ZNF251: variants seen among roughly 807,000 people sequenced by gnomAD.
ZNF251 encodes the protein zinc finger protein 251.
A neutral mutation model predicts 13.5 loss-of-function variants in ZNF251; 14 were observed. That is an observed-to-expected ratio of 1.04 (90% CI 0.69 to 1.63). ZNF251 has a LOEUF of 1.63. Among genes scored for constraint, ZNF251 ranks in the 40% most tolerant of loss-of-function variants. The probability of loss-of-function intolerance (pLI) is 0.00; values close to 1 mark genes in which losing one functional copy is unlikely to be tolerated. For synonymous variants in ZNF251, 287 were observed against 295.2 expected (o/e 0.97, Z 0.28); for missense variants, 764 against 834.9 (o/e 0.92, Z 1.05).
intron 4 of ZNF251, 108 bp downstream of exon 4, chr8:144,753,575 G>T: frequency 2.5e-6 from 2 of 788,988 alleles, no homozygotes; most frequent in Non-Finnish European, 4.1e-6. Flanking sequence ...GACTGCCCCT[G>T]GGGGAGGCCA....
At position 144,722,176 on chromosome 8, in the gene ZNF251, CCA is replaced by C; in HGVS notation, c.1482_1483del (p.Cys494TrpfsTer23). The C allele has an allele frequency of 1.2e-6, 2 of 1,614,126 alleles. No homozygotes were observed. The highest frequency in any genetic ancestry group is 1.7e-6 in the Non-Finnish European group (2 of 1,179,978). ...GGTTGACCTCCGGCTGAAGGCCTTCCCACAGTCACCACAGTCATAGGGCTTCT... is the reference window on the plus strand; with the variant it reads ...GGTTGACCTCCGGCTGAAGGCCTTCCCAGTCACCACAGTCATAGGGCTTCT... On this transcript the variant is annotated frameshift_variant, in exon 5 of 5. Transcript: ENST00000292562. LOFTEE classifies it low-confidence loss of function (END_TRUNC). This position sits in a 1 kb window ranked among gnomAD's most constrained non-coding sequence, Gnocchi z 4.8.
At chr8:144,733,048 C>T (rs1412016681) in intron 4 of ZNF251, among the ~76,000 whole-genome samples, 3 of 151,478 alleles carry the variant, frequency 2.0e-5, no homozygotes, top group African/African-American at 7.3e-5. Flanking sequence ...ATGGAGAAAC[C>T]CTGTCTCCAC....
intron 4 of ZNF251, among the ~76,000 whole-genome samples, chr8:144,730,946 G>A (rs369346673): frequency 8.9e-4 from 136 of 152,306 alleles, no homozygotes; most frequent in African/African-American, 2.9e-3. Context: ...CGTGGGAACC[G>A]CCCCCCTCAG....
intron 4 of ZNF251, among the ~76,000 whole-genome samples, chr8:144,737,657 C>T (rs1384562452): frequency 6.6e-6 from 1 of 151,408 alleles, no homozygotes; most frequent in East Asian, 2.0e-4. Flanking sequence ...ACGGTGAAAC[C>T]CCGTCTCTAC....
intron 4 of ZNF251, among the ~76,000 whole-genome samples, chr8:144,742,594 G>A (rs574448436): frequency 6.5e-4 from 99 of 151,730 alleles, no homozygotes; most frequent in Admixed American, 3.1e-3. Context: ...TCGTGGTGCC[G>A]CGTGATCTAT....
At position 144,722,322 on chromosome 8, in the gene ZNF251, G is replaced by T. The variant is rs1823395618; in HGVS notation, c.1338C>A (p.Ser446=). 6.2e-7 allele frequency: 1 copy of T among 1,613,524 alleles called. No individual in the cohort carries two copies. Among genetic ancestry groups the T allele is most frequent in the Non-Finnish European group, 8.5e-7 (1 of 1,179,708 alleles). The change falls in exon 5 of 5, where the codon TCC becomes TCA. Residue 446 remains serine (S), a synonymous_variant. Coordinates refer to ENST00000292562, the MANE Select transcript of ZNF251 (RefSeq NM_138367.2). The surrounding 1 kb of genome is among the most constrained non-coding windows in gnomAD (Gnocchi z 4.8). ...NECGKAFRRS[S]TLVQHRRVHT... ...GAACTCTTCGATGCTGAACAAGAGTGGAACTCCGACGAAAGGCTTTGCCGC... is the reference window on the plus strand; with the variant it reads ...GAACTCTTCGATGCTGAACAAGAGTTGAACTCCGACGAAAGGCTTTGCCGC...
intron 4 of ZNF251, among the ~76,000 whole-genome samples, chr8:144,738,065 T>C (rs1823985324): frequency 6.6e-6 from 1 of 152,124 alleles, no homozygotes; most frequent in Non-Finnish European, 1.5e-5. Context: ...CTTACTCTAA[T>C]ACCCAGACCC....
intron 4 of ZNF251, among the ~76,000 whole-genome samples, chr8:144,742,800 C>G (rs140138736): frequency 2.6e-5 from 4 of 152,066 alleles, no homozygotes; most frequent in African/African-American, 9.7e-5. Context: ...GGATTGGGTC[C>G]GAGACCCCCA....
intron 4 of ZNF251, among the ~76,000 whole-genome samples, chr8:144,738,895 C>G (rs2129997542): frequency 6.6e-6 from 1 of 152,238 alleles, no homozygotes; most frequent in Middle Eastern, 3.4e-3. Flanking sequence ...CTCCTAAGGG[C>G]TTCCTCACTT....
At chr8:144,733,872 C>T (rs1367334906) in intron 4 of ZNF251, among the ~76,000 whole-genome samples, 2 of 152,216 alleles carry the variant, frequency 1.3e-5, no homozygotes, top group African/African-American at 4.8e-5. Flanking sequence ...CAGCTAACAC[C>T]GTTGCTGGGA....
chr8:144,729,493 C>T lies in ZNF251; in HGVS notation c.278-6111G>A, dbSNP rs546011850. 5.5e-4 allele frequency among the ~76,000 whole-genome samples: 83 copies of T among 151,716 alleles called. 1 individual carries two copies. In the South Asian group the frequency reaches 0.016, roughly 29 times the overall value. On this transcript the variant is annotated intron_variant, in intron 4 of 4. Coordinates refer to ENST00000292562, the MANE Select transcript of ZNF251 (RefSeq NM_138367.2). ...CTGGGACTACAGGCGCCCGCCACCA[C>T]GCCCGGCTAATTTTTTGTATTTTTA...
At chr8:144,731,348 T>C (rs1386277797) in intron 4 of ZNF251, among the ~76,000 whole-genome samples, 1 of 152,242 alleles carries the variant, frequency 6.6e-6, no homozygotes, top group Non-Finnish European at 1.5e-5. Flanking sequence ...AATGGTATAC[T>C]GTGTACCGAT....
At chr8:144,732,783 G>A (rs1823755299) in intron 4 of ZNF251, among the ~76,000 whole-genome samples, 1 of 142,382 alleles carries the variant, frequency 7.0e-6, no homozygotes, top group South Asian at 2.2e-4. Flanking sequence ...CTGCACTCCA[G>A]CCTGGGCGAC....
At chr8:144,725,076 C>T (rs962751175) in intron 4 of ZNF251, among the ~76,000 whole-genome samples, 1 of 152,108 alleles carries the variant, frequency 6.6e-6, no homozygotes, top group African/African-American at 2.4e-5. Flanking sequence ...TGCAATGGCA[C>T]GATCTCGGCT....
intron 4 of ZNF251, among the ~76,000 whole-genome samples, chr8:144,741,663 A>G (rs1563765334): frequency 6.6e-6 from 1 of 152,242 alleles, no homozygotes; most frequent in South Asian, 2.1e-4. Context: ...CACAGAAATA[A>G]TAAAAAGGAA....
At chr8:144,738,325 G>A (rs1243234982) in intron 4 of ZNF251, among the ~76,000 whole-genome samples, 2 of 152,148 alleles carry the variant, frequency 1.3e-5, no homozygotes, top group Non-Finnish European at 2.9e-5. Context: ...AAAGGCAAAC[G>A]CTATCCGCCT....
intron 4 of ZNF251, among the ~76,000 whole-genome samples, chr8:144,744,007 GTCTTTT>G (rs1563766725): frequency 8.2e-6 from 1 of 121,224 alleles, no homozygotes; most frequent in Non-Finnish European, 1.7e-5. Flanking sequence ...TTCTCTCGTT[GTCTTTT>G]TTTTTTTTTT....
rs1823358847 is a variant in ZNF251, at chr8:144,720,955, A to T, written c.*689T>A. The T allele has an allele frequency of 6.6e-6, 1 of 152,248 alleles. No homozygotes were observed. Among genetic ancestry groups the T allele is most frequent in the East Asian group, 1.9e-4 (1 of 5,208 alleles). 9.4% of individuals were successfully genotyped at this position (152,248 alleles called of 1,614,324 possible). A position where few individuals can be genotyped will look rare whatever the true frequency, so the allele number is the denominator to read the frequency against. On this transcript the variant is annotated 3_prime_UTR_variant, in exon 5 of 5. Transcript: ENST00000292562. ...TATTGTTTATAAATTATGCTTCAAT[A>T]AACCTGCCTTTAAAAAATTTTTTAT...
intron 4 of ZNF251, among the ~76,000 whole-genome samples, chr8:144,727,356 C>T (rs1823548705): frequency 6.6e-6 from 1 of 152,234 alleles, no homozygotes; most frequent in African/African-American, 2.4e-5. Context: ...TTCTCTCTAG[C>T]TATGGGAGTC....
Sources: gnomAD v4.1 joint callset for allele counts (sites outside exome capture counted in the v4.1 genomes callset) on GRCh38, gnomAD v4.1.1 for gene constraint, Gnocchi (gnomAD v3.1) non-coding constraint, MANE v1.5 for transcripts, NCBI Gene and HGNC (gene_info 2026-07-23, HGNC 2026-07-21) for gene names.